TMEM232: variants seen among roughly 807,000 people sequenced by gnomAD.
TMEM232 encodes transmembrane protein 232.
In TMEM232, 80 loss-of-function variants were observed where a neutral mutation model predicts 78.8. That is an observed-to-expected ratio of 1.01 (90% CI 0.85 to 1.22). The LOEUF is 1.22. Ranked by LOEUF, TMEM232 falls within the 50% of genes most tolerant of loss-of-function variation. The pLI, the probability that TMEM232 is intolerant of heterozygous loss-of-function variation, is 0.00. For missense variants in TMEM232, 881 were observed against 742.2 expected, an observed-to-expected ratio of 1.19 and a Z score of -2.17; for synonymous variants, 297 against 254.3, an observed-to-expected ratio of 1.17 and a Z score of -1.60.
chr5:110,464,178 T>C (rs1251171042), intron 12 of TMEM232, among the ~76,000 whole-genome samples: 1 of 152,202 alleles, frequency 6.6e-6, no homozygotes, highest in Non-Finnish European at 1.5e-5. Context: ...GGAAGGAATA[T>C]AGTTCCTTAT....
intron 5 of TMEM232, among the ~76,000 whole-genome samples, chr5:110,634,834 A>T (rs1785590528): frequency 6.6e-6 from 1 of 152,044 alleles, no homozygotes; most frequent in African/African-American, 2.4e-5. Context: ...GAAGATGACA[A>T]ATAATAAAGA....
At chr5:110,389,298 A>G (rs896291679) in intron 4 of TMEM232, among the ~76,000 whole-genome samples, 1 of 151,278 alleles carries the variant, frequency 6.6e-6, no homozygotes, top group Non-Finnish European at 1.5e-5. Context: ...CAAAAAGGAA[A>G]GAAGTCTCTA....
chr5:110,619,596 A>G (rs1783376962), intron 7 of TMEM232, among the ~76,000 whole-genome samples: 1 of 152,202 alleles, frequency 6.6e-6, no homozygotes. Flanking sequence ...CACACCACAG[A>G]AAAGCACTAT....
chr5:110,603,729 G>T (rs187317648), intron 10 of TMEM232, among the ~76,000 whole-genome samples: 196 of 152,190 alleles, frequency 1.3e-3, no homozygotes, highest in Non-Finnish European at 1.1e-3. Context: ...ATAAAGATCT[G>T]TTTAAAATTG....
chr5:110,531,767 A>G (rs1293695661), intron 11 of TMEM232, among the ~76,000 whole-genome samples: 1 of 152,184 alleles, frequency 6.6e-6, no homozygotes, highest in Admixed American at 6.5e-5. Flanking sequence ...CATCAAATAT[A>G]AAAACCCAGC....
At chr5:110,638,925 A>C (rs1461104710) in intron 4 of TMEM232, among the ~76,000 whole-genome samples, 1 of 152,232 alleles carries the variant, frequency 6.6e-6, no homozygotes, top group African/African-American at 2.4e-5. Context: ...ATCAAGGTAG[A>C]GGAAACAGGG....
chr5:110,648,884 T>TA (rs1324007977), intron 2 of TMEM232, among the ~76,000 whole-genome samples: 3 of 152,082 alleles, frequency 2.0e-5, no homozygotes, highest in East Asian at 3.9e-4. Flanking sequence ...CTCACATTCT[T>TA]ACATGCACAG....
intron 10 of TMEM232, among the ~76,000 whole-genome samples, chr5:110,601,926 T>C (rs946406638): frequency 2.0e-5 from 3 of 152,168 alleles, no homozygotes; most frequent in Admixed American, 6.6e-5. Context: ...CACAACAGCA[T>C]GGTACTGGTA....
chr5:110,402,484 T>C (rs73217184), intron 2 of TMEM232, among the ~76,000 whole-genome samples: 4,682 of 152,200 alleles, frequency 0.031, 264 homozygotes, highest in African/African-American at 0.11. Flanking sequence ...ACATTTCTAT[T>C]AGTTGAATTT....
chr5:110,444,314 C>A (rs1314678812), intron 12 of TMEM232, among the ~76,000 whole-genome samples: 1 of 152,132 alleles, frequency 6.6e-6, no homozygotes, highest in African/African-American at 2.4e-5. Flanking sequence ...TGTGTGGGCG[C>A]TGGCTGAGTA....
At chr5:110,400,220 A>G (rs1755538716) in intron 2 of TMEM232, among the ~76,000 whole-genome samples, 1 of 152,150 alleles carries the variant, frequency 6.6e-6, no homozygotes, top group African/African-American at 2.4e-5. Flanking sequence ...ATCTAGCAGA[A>G]CTAAAATTCT....
At chr5:110,669,211 A>G (rs997842183) in intron 1 of TMEM232, among the ~76,000 whole-genome samples, 1 of 152,184 alleles carries the variant, frequency 6.6e-6, no homozygotes, top group Non-Finnish European at 1.5e-5. Flanking sequence ...AGAAAAGATC[A>G]ACAAAATTGA....
chr5:110,424,054 T>C (rs866337000), intron 13 of TMEM232, among the ~76,000 whole-genome samples: 7 of 152,164 alleles, frequency 4.6e-5, no homozygotes, highest in Admixed American at 4.6e-4. Flanking sequence ...CTTATAGCTG[T>C]TGCTAGAGTG....
chr5:110,621,107 C>A (rs898465751), intron 7 of TMEM232, among the ~76,000 whole-genome samples: 6 of 151,998 alleles, frequency 3.9e-5, no homozygotes, highest in African/African-American at 1.4e-4. Flanking sequence ...AAGTGATGCA[C>A]CCGCCTCTGC....
chr5:110,695,927 G>A (rs1486569863), intron 1 of TMEM232, among the ~76,000 whole-genome samples: 1 of 152,160 alleles, frequency 6.6e-6, no homozygotes, highest in African/African-American at 2.4e-5. Context: ...ATAGAAAAAA[G>A]AGGGAATCCT....
intron 1 of TMEM232, among the ~76,000 whole-genome samples, 170 bp downstream of exon 1, chr5:110,726,457 C>G (rs974751470): frequency 1.5e-4 from 23 of 152,274 alleles, no homozygotes; most frequent in African/African-American, 5.1e-4. Context: ...GCAGGCCCAG[C>G]CTGGGGTTGC....
At chr5:110,613,560 C>A (rs1033963092) in intron 8 of TMEM232, among the ~76,000 whole-genome samples, 4 of 152,058 alleles carry the variant, frequency 2.6e-5, no homozygotes, top group African/African-American at 9.7e-5. Context: ...AGGTGTTAAA[C>A]CAAAGGTGTC....
downstream of TMEM232, among the ~76,000 whole-genome samples, chr5:110,419,088 G>T (rs1490177468): frequency 2.0e-5 from 3 of 151,998 alleles, no homozygotes; most frequent in African/African-American, 4.8e-5. Flanking sequence ...GGACTCAGAA[G>T]GAGATAGTGA....
intron 12 of TMEM232, among the ~76,000 whole-genome samples, chr5:110,513,281 T>C (rs1768066279): frequency 6.6e-6 from 1 of 151,816 alleles, no homozygotes; most frequent in Non-Finnish European, 1.5e-5. Flanking sequence ...AAAGCAAAAA[T>C]GAACAAGTGG....
Sources: gnomAD v4.1 joint callset for allele counts (sites outside exome capture counted in the v4.1 genomes callset) on GRCh38, gnomAD v4.1.1 for gene constraint, MANE v1.5 for transcripts, NCBI Gene and HGNC (gene_info 2026-07-23, HGNC 2026-07-21) for gene names.